MYO16: variants seen among roughly 807,000 people sequenced by gnomAD.
MYO16 encodes myosin XVI.
MYO16 carries 94 observed loss-of-function variants against 205.3 expected under a neutral mutation model. The ratio of observed to expected loss-of-function variants is 0.46; its 90% confidence interval spans 0.39 to 0.54. The LOEUF (loss-of-function observed/expected upper bound fraction) is 0.54. Ranked by LOEUF, MYO16 falls within the 20% of genes least tolerant of loss-of-function variation. MYO16 has a pLI of 0.00. For missense variants in MYO16, 2,315 were observed against 2,387.5 expected, an observed-to-expected ratio of 0.97 and a Z score of 0.63; for synonymous variants, 988 against 954.0, an observed-to-expected ratio of 1.04 and a Z score of -0.66.
chr13:108,576,733 T>G, the MYO16 span, among the ~76,000 whole-genome samples: 1 of 152,162 alleles, frequency 6.6e-6, no homozygotes, highest in South Asian at 2.1e-4. Context: ...GAATTCCCAG[T>G]GAACTTTGCA....
intron 2 of MYO16, among the ~76,000 whole-genome samples, chr13:108,688,884 A>G (rs1234322242): frequency 6.6e-6 from 1 of 152,202 alleles, no homozygotes; most frequent in African/African-American, 2.4e-5. Context: ...AGTCAAGTTA[A>G]TGTCTTTGAG....
At chr13:108,921,830 T>C (rs1399037703) in intron 16 of MYO16, among the ~76,000 whole-genome samples, 2 of 152,202 alleles carry the variant, frequency 1.3e-5, no homozygotes, top group Non-Finnish European at 2.9e-5. Context: ...TCATGCAACC[T>C]CTCTGTGCTT....
chr13:108,684,023 G>A (rs1301642893), intron 2 of MYO16, among the ~76,000 whole-genome samples: 1 of 152,164 alleles, frequency 6.6e-6, no homozygotes, highest in Non-Finnish European at 1.5e-5. Flanking sequence ...TTACAGACAT[G>A]TGCCACCACA....
intron 28 of MYO16, among the ~76,000 whole-genome samples, chr13:109,115,242 CAAAAAAAAAAAAA>C (rs61441934): frequency 3.1e-4 from 18 of 58,030 alleles, no homozygotes; most frequent in African/African-American, 1.3e-3. Flanking sequence ...CTACACCTCT[CAAAAAAAAAAAAA>C]AAAAAAAAAA....
rs1877031028 is a variant in MYO16, at chr13:109,140,775, C to T, written c.4563C>T (p.Pro1521=). 1 of 1,568,544 alleles carries T rather than the reference C, an allele frequency of 6.4e-7. No individual in the cohort carries two copies. Among genetic ancestry groups the T allele is most frequent in the Non-Finnish European group, 8.6e-7 (1 of 1,160,226 alleles). Residue 1521 remains proline (P), a synonymous_variant, in exon 32 of 35, where the codon CCC becomes CCT. Coordinates refer to ENST00000457511, the MANE Select transcript of MYO16 (RefSeq NM_001198950.3). The surrounding 1 kb of genome is among the most constrained non-coding windows in gnomAD (Gnocchi z 8.0). ...CCCTGCTGGTGTTCCCCCCGACCCCCGTCACCTGCTCCCCCGCCTCCGACG... is the reference window on the plus strand; with the variant it reads ...CCCTGCTGGTGTTCCCCCCGACCCCTGTCACCTGCTCCCCCGCCTCCGACG... ...RPPLLVFPPT[P]VTCSPASDES...
At chr13:108,992,526 CAG>C in intron 21 of MYO16, 78 bp downstream of exon 21, 2 of 830,840 alleles carry the variant, frequency 2.4e-6, no homozygotes, top group Non-Finnish European at 3.9e-6. Flanking sequence ...TCTGTAAAGA[CAG>C]TGTAACTACT....
intron 12 of MYO16, among the ~76,000 whole-genome samples, chr13:108,869,169 G>A (rs1044544647): frequency 3.3e-5 from 5 of 152,038 alleles, no homozygotes; most frequent in Admixed American, 2.6e-4. Context: ...CTCCCCCTAG[G>A]ATTTTGAATT....
chr13:108,612,081 A>G (rs1273054111), intron 1 of MYO16, among the ~76,000 whole-genome samples: 2 of 147,380 alleles, frequency 1.4e-5, no homozygotes, highest in African/African-American at 5.1e-5. Context: ...ATATATATGC[A>G]TGCATGTGCA....
intron 9 of MYO16, among the ~76,000 whole-genome samples, chr13:108,840,845 T>A (rs1048192198): frequency 6.6e-5 from 10 of 152,192 alleles, no homozygotes; most frequent in African/African-American, 2.4e-4. Context: ...AATCTAAAAA[T>A]TATTTGGAAG....
chr13:108,499,722 T>C, the MYO16 span, among the ~76,000 whole-genome samples: 1 of 152,212 alleles, frequency 6.6e-6, no homozygotes, highest in Non-Finnish European at 1.5e-5. Context: ...CTTTAAGTGG[T>C]AGGATCAAAT....
intron 16 of MYO16, among the ~76,000 whole-genome samples, chr13:108,944,053 C>T (rs1435809812): frequency 6.6e-6 from 1 of 152,140 alleles, no homozygotes. Context: ...CCAAATAATC[C>T]GAACACAGCA....
intron 2 of MYO16, among the ~76,000 whole-genome samples, chr13:108,695,809 A>C (rs1051723964): frequency 6.6e-6 from 1 of 152,196 alleles, no homozygotes; most frequent in Non-Finnish European, 1.5e-5. Context: ...TGAACATCAT[A>C]TAACCACCAC....
intron 2 of MYO16, among the ~76,000 whole-genome samples, chr13:108,677,588 A>G (rs1367534628): frequency 6.6e-6 from 1 of 151,880 alleles, no homozygotes; most frequent in Non-Finnish European, 1.5e-5. Flanking sequence ...GGAAGGAAGG[A>G]ATGAATAATG....
At chr13:108,505,975 C>A in the MYO16 span, among the ~76,000 whole-genome samples, 2 of 152,058 alleles carry the variant, frequency 1.3e-5, no homozygotes, top group African/African-American at 4.8e-5. Flanking sequence ...TAACTTTATA[C>A]ACAAGAATTT....
intron 34 of MYO16, among the ~76,000 whole-genome samples, chr13:109,197,444 A>G (rs1171663443): frequency 6.6e-6 from 1 of 152,024 alleles, no homozygotes; most frequent in Non-Finnish European, 1.5e-5. Flanking sequence ...ACTGTGTGAT[A>G]ATGTTTCTCC....
At chr13:108,888,837 C>G (rs1175671866) in intron 14 of MYO16, among the ~76,000 whole-genome samples, 2 of 151,956 alleles carry the variant, frequency 1.3e-5, no homozygotes, top group Non-Finnish European at 2.9e-5. Flanking sequence ...TGTGAATCAC[C>G]TGAGGTCAGG....
At chr13:108,990,637 A>C (rs1160087853) in intron 20 of MYO16, among the ~76,000 whole-genome samples, 1 of 152,156 alleles carries the variant, frequency 6.6e-6, no homozygotes, top group East Asian at 1.9e-4. Context: ...TTCTTCTTAT[A>C]AACTAAGTCA....
intron 1 of MYO16, among the ~76,000 whole-genome samples, chr13:108,607,015 G>A (rs575959165): frequency 6.6e-6 from 1 of 152,286 alleles, no homozygotes; most frequent in Admixed American, 6.5e-5. Flanking sequence ...GACTTTCATG[G>A]GGTCTGTAAC....
At chr13:108,783,357 G>A (rs192739148) in intron 4 of MYO16, among the ~76,000 whole-genome samples, 48 of 152,236 alleles carry the variant, frequency 3.2e-4, no homozygotes, top group Middle Eastern at 3.4e-3. Context: ...CTCCCATTTC[G>A]AATGGTTGTA....
Sources: gnomAD v4.1 joint callset for allele counts (sites outside exome capture counted in the v4.1 genomes callset) on GRCh38, gnomAD v4.1.1 for gene constraint, Gnocchi (gnomAD v3.1) non-coding constraint, MANE v1.5 for transcripts, NCBI Gene and HGNC (gene_info 2026-07-23, HGNC 2026-07-21) for gene names.